Variants in GABRG3 observed in about 807,000 individuals in gnomAD.
GABRG3 encodes the protein gamma-aminobutyric acid type A receptor subunit gamma3, also known as gamma-aminobutyric acid receptor subunit gamma-3.
Under a neutral mutation model 48.8 loss-of-function variants are expected in GABRG3, and 25 were observed. The ratio of observed to expected loss-of-function variants is 0.51; its 90% CI spans 0.37 to 0.72. The LOEUF is 0.72. GABRG3 is among the 30% of genes least tolerant of loss of function. The pLI is 0.00. For missense variants in GABRG3, 394 were observed against 577.9 expected (o/e 0.68, Z 3.26); for synonymous variants, 227 against 217.6 (o/e 1.04, Z -0.38).
At chr15:27,485,708 C>G (rs1462250334) in intron 6 of GABRG3, among the ~76,000 whole-genome samples, 1 of 152,000 alleles carries the variant, frequency 6.6e-6, no homozygotes, top group Non-Finnish European at 1.5e-5. Flanking sequence ...GCCAAATGAT[C>G]AAAACCCAAA....
chr15:27,186,015 C>A (rs912754356), intron 3 of GABRG3, among the ~76,000 whole-genome samples: 7 of 131,306 alleles, frequency 5.3e-5, no homozygotes, highest in Non-Finnish European at 1.2e-4. Context: ...GTATTTAAAT[C>A]TTTTTTTTTT....
intron 6 of GABRG3, among the ~76,000 whole-genome samples, chr15:27,493,469 G>A (rs547038520): frequency 7.9e-5 from 12 of 152,174 alleles, no homozygotes; most frequent in East Asian, 1.9e-4. Context: ...AATTTTGTAC[G>A]ATTGATGTTA....
chr15:27,192,072 G>A (rs1482821817), intron 3 of GABRG3, among the ~76,000 whole-genome samples: 1 of 152,168 alleles, frequency 6.6e-6, no homozygotes, highest in African/African-American at 2.4e-5. Flanking sequence ...CTTCTGGCTT[G>A]TAGAGTTTCT....
chr15:27,286,888 C>T (rs1345803746), intron 3 of GABRG3, among the ~76,000 whole-genome samples: 1 of 152,184 alleles, frequency 6.6e-6, no homozygotes, highest in Non-Finnish European at 1.5e-5. Context: ...CTGCCCTACT[C>T]TCTCCCTCCA....
chr15:27,296,561 C>T (rs1297265690), intron 3 of GABRG3, among the ~76,000 whole-genome samples: 1 of 151,948 alleles, frequency 6.6e-6, no homozygotes, highest in Non-Finnish European at 1.5e-5. Context: ...ATGTTTCAGT[C>T]AACAGTGGAC....
intron 3 of GABRG3, among the ~76,000 whole-genome samples, chr15:27,242,640 G>A (rs938116508): frequency 9.2e-5 from 14 of 152,250 alleles, no homozygotes; most frequent in African/African-American, 1.7e-4. Context: ...CTCAATTTAC[G>A]TTCTATTCAG....
At chr15:27,126,073 A>G (rs1364952638) in intron 3 of GABRG3, among the ~76,000 whole-genome samples, 1 of 152,220 alleles carries the variant, frequency 6.6e-6, no homozygotes, top group East Asian at 1.9e-4. Context: ...CCCTTAGCCT[A>G]AATCCACGGG....
chr15:27,515,280 G>A (rs1890991858), intron 6 of GABRG3, among the ~76,000 whole-genome samples: 1 of 152,002 alleles, frequency 6.6e-6, no homozygotes, highest in Non-Finnish European at 1.5e-5. Context: ...TTTTAGTAGA[G>A]ACGGGGTTTC....
At chr15:27,441,063 A>C (rs1253949643) in intron 5 of GABRG3, among the ~76,000 whole-genome samples, 2 of 152,240 alleles carry the variant, frequency 1.3e-5, no homozygotes, top group African/African-American at 4.8e-5. Context: ...AGCCCAAGTG[A>C]GAAAAAAAGA....
Position 26,976,944 on chromosome 15 carries a change from GCTC to G in GABRG3, c.54-57_54-55del. ...TGGTACTTGGATAGGACAAACTTAG[GCTC>G]TTCCTAGAGCCATTGCTGCCACTTA... On this transcript the variant is annotated intron_variant, in intron 1 of 9. Coordinates refer to ENST00000615808, the MANE Select transcript of GABRG3 (RefSeq NM_033223.5). This position sits in a 1 kb window ranked among gnomAD's most constrained non-coding sequence, Gnocchi z 7.8. 1 of 1,593,738 alleles carries G rather than the reference GCTC, an allele frequency of 6.3e-7. No homozygotes were observed. Among genetic ancestry groups the G allele is most frequent in the South Asian group, 1.1e-5 (1 of 90,026 alleles).
intron 5 of GABRG3, among the ~76,000 whole-genome samples, chr15:27,450,837 A>T (rs1889089398): frequency 6.6e-6 from 1 of 152,206 alleles, no homozygotes; most frequent in African/African-American, 2.4e-5. Flanking sequence ...AAATTGTTAA[A>T]ACTAATAAAC....
intron 5 of GABRG3, among the ~76,000 whole-genome samples, chr15:27,418,484 C>T (rs757652906): frequency 1.2e-4 from 18 of 152,100 alleles, no homozygotes; most frequent in African/African-American, 4.3e-4. Flanking sequence ...CAATGGTGCC[C>T]TCCGCAGAGA....
intron 5 of GABRG3, among the ~76,000 whole-genome samples, chr15:27,434,116 C>G (rs943510749): frequency 6.6e-6 from 1 of 152,176 alleles, no homozygotes; most frequent in Non-Finnish European, 1.5e-5. Flanking sequence ...TCTGGCTTCA[C>G]TAAAGCTTTT....
At position 27,369,993 on chromosome 15, in the gene GABRG3, A is replaced by C. The variant is rs558850025; in HGVS notation, c.574+41105A>C. ...GCCATCAGTTCCAACGTGGAAGCGT[A>C]GTAGGTTGGATGCTGATTGCATACC... is the stretch of plus-strand genomic sequence containing the variant. On this transcript the variant is annotated intron_variant, in intron 5 of 9. Coordinates refer to ENST00000615808, the MANE Select transcript of GABRG3 (RefSeq NM_033223.5). 2.0e-5 allele frequency among the ~76,000 whole-genome samples: 3 copies of C among 152,198 alleles called. No homozygotes were observed. In the South Asian group the frequency reaches 6.2e-4, roughly 31 times the overall value.
intron 3 of GABRG3, among the ~76,000 whole-genome samples, chr15:27,249,969 G>A (rs998022942): frequency 6.6e-6 from 1 of 152,286 alleles, no homozygotes; most frequent in East Asian, 1.9e-4. Flanking sequence ...CCTGGAGAAG[G>A]CACTGAAGTC....
chr15:27,443,994 G>T (rs962228815), intron 5 of GABRG3, among the ~76,000 whole-genome samples: 4 of 152,030 alleles, frequency 2.6e-5, no homozygotes, highest in African/African-American at 9.7e-5. Flanking sequence ...ATCATTTATT[G>T]CTATCATTTA....
chr15:27,078,008 G>A (rs1265038661), intron 3 of GABRG3, among the ~76,000 whole-genome samples: 6 of 152,266 alleles, frequency 3.9e-5, no homozygotes, highest in South Asian at 2.1e-4. Flanking sequence ...TTTCTCTGGC[G>A]CCCTCTGTGA....
chr15:27,253,634 C>G (rs967197882), intron 3 of GABRG3, among the ~76,000 whole-genome samples: 2 of 152,224 alleles, frequency 1.3e-5, no homozygotes, highest in South Asian at 4.1e-4. Flanking sequence ...AGGGGCAGAG[C>G]GGCTGCATCA....
chr15:27,292,643 C>A (rs2140487360), intron 3 of GABRG3, among the ~76,000 whole-genome samples: 1 of 152,170 alleles, frequency 6.6e-6, no homozygotes, highest in South Asian at 2.1e-4. Context: ...TAATGGGCAT[C>A]TTTCTCTATT....
Sources: allele counts gnomAD v4.1 joint callset (sites outside exome capture counted in the v4.1 genomes callset), GRCh38; gene constraint gnomAD v4.1.1; non-coding constraint Gnocchi (gnomAD v3.1); transcripts MANE v1.5; gene names NCBI Gene and HGNC (gene_info 2026-07-23, HGNC 2026-07-21).